AS3MT: variants seen among roughly 807,000 people sequenced by gnomAD.
The protein encoded by AS3MT is S-adenosyl-L-methionine:arsenic(III) methyltransferase.
Under a neutral mutation model 45.3 loss-of-function variants are expected in AS3MT, and 47 were observed. The ratio of observed to expected loss-of-function variants is 1.04; its 90% CI spans 0.82 to 1.32. AS3MT has a LOEUF of 1.32. Ranked by LOEUF, AS3MT falls within the 40% of genes most tolerant of loss-of-function variation. AS3MT has a pLI of 0.00. For missense variants in AS3MT, 396 were observed against 451.1 expected (o/e 0.88, Z 1.11); for synonymous variants, 141 against 152.8 (o/e 0.92, Z 0.57).
chr10:102,870,270 A>G (rs1486021630), intron 3 of AS3MT, 59 bp downstream of exon 3: 6 of 1,594,258 alleles, frequency 3.8e-6, no homozygotes, highest in Non-Finnish European at 5.2e-6. Context: ...CCAAAAGATA[A>G]TGATGCAGGT....
chr10:102,870,273 A>G (rs1844655915), intron 3 of AS3MT, 62 bp downstream of exon 3: 6 of 1,592,096 alleles, frequency 3.8e-6, no homozygotes, highest in Non-Finnish European at 4.3e-6. Flanking sequence ...AAAGATAATG[A>G]TGCAGGTCAC....
At chr10:102,882,395 T>A (rs1251468820) in intron 9 of AS3MT, among the ~76,000 whole-genome samples, 1 of 149,876 alleles carries the variant, frequency 6.7e-6, no homozygotes, top group Non-Finnish European at 1.5e-5. Flanking sequence ...TTTTTTTTTT[T>A]AATTTAAAAA....
At chr10:102,899,882 G>A (rs1443554601) in intron 10 of AS3MT, among the ~76,000 whole-genome samples, 1 of 152,104 alleles carries the variant, frequency 6.6e-6, no homozygotes, top group Non-Finnish European at 1.5e-5. Flanking sequence ...GCCCAGGCTT[G>A]TCTCAAACTC....
At chr10:102,878,052 A>G (rs1480123879) in intron 7 of AS3MT, among the ~76,000 whole-genome samples, 1 of 152,024 alleles carries the variant, frequency 6.6e-6, no homozygotes, top group Non-Finnish European at 1.5e-5. Context: ...CGCTCGGCCT[A>G]TGATTTATTT....
At chr10:102,895,487 T>C (rs529697614) in intron 10 of AS3MT, among the ~76,000 whole-genome samples, 3 of 152,042 alleles carry the variant, frequency 2.0e-5, no homozygotes, top group Non-Finnish European at 2.9e-5. Context: ...AGGTGTGAAC[T>C]ACCACGCCCG....
At chr10:102,876,432 T>A (rs905906532) in intron 6 of AS3MT, among the ~76,000 whole-genome samples, 1 of 151,542 alleles carries the variant, frequency 6.6e-6, no homozygotes, top group Admixed American at 6.6e-5. Flanking sequence ...CATGCCACCA[T>A]GCCCAGCTAG....
chr10:102,891,948 C>CAAAAAAAAAAAAAA (rs57594880), intron 10 of AS3MT, among the ~76,000 whole-genome samples: 1 of 57,862 alleles, frequency 1.7e-5, no homozygotes, highest in Non-Finnish European at 3.0e-5. Flanking sequence ...GACTCTGTCT[C>CAAAAAAAAAAAAAA]AAAAAAAAAA....
intron 3 of AS3MT, among the ~76,000 whole-genome samples, chr10:102,870,689 T>C (rs1844665158): frequency 6.6e-6 from 1 of 152,190 alleles, no homozygotes; most frequent in African/African-American, 2.4e-5. Context: ...CTAATCAACC[T>C]TGGCCCTTTT....
intron 10 of AS3MT, among the ~76,000 whole-genome samples, chr10:102,897,170 G>A (rs888442075): frequency 6.6e-6 from 1 of 151,996 alleles, no homozygotes; most frequent in Non-Finnish European, 1.5e-5. Flanking sequence ...GGATCACGAG[G>A]TCAGGAGATC....
intron 9 of AS3MT, among the ~76,000 whole-genome samples, chr10:102,883,558 C>T (rs1844900806): frequency 6.6e-6 from 1 of 151,812 alleles, no homozygotes; most frequent in Non-Finnish European, 1.5e-5. Context: ...ACTAAAAATA[C>T]AAAAATTAGC....
chr10:102,889,555 A>G (rs1337412107), intron 9 of AS3MT, among the ~76,000 whole-genome samples: 1 of 151,894 alleles, frequency 6.6e-6, no homozygotes, highest in Admixed American at 6.6e-5. Flanking sequence ...AGGAGTGCAG[A>G]TATTTCCCTG....
chr10:102,877,831 C>A (rs1454970056), intron 7 of AS3MT, among the ~76,000 whole-genome samples: 1 of 145,214 alleles, frequency 6.9e-6, no homozygotes, highest in Non-Finnish European at 1.5e-5. Flanking sequence ...TGGCTCACTG[C>A]AACCTCCACT....
chr10:102,881,454 T>C lies in AS3MT; in HGVS notation c.885+2463T>C, dbSNP rs1844865952. On this transcript the variant is annotated intron_variant, in intron 9 of 10. Transcript: ENST00000369880. This position sits in a 1 kb window ranked among gnomAD's most constrained non-coding sequence, Gnocchi z 4.2. Reference sequence around the variant, plus strand: ...TAGTAAAGGCGTGCTACTCATTAGATGCTAATCTCATTTACTGAGGAACAC... The same window carrying C: ...TAGTAAAGGCGTGCTACTCATTAGACGCTAATCTCATTTACTGAGGAACAC... Among the ~76,000 whole-genome samples, 2 of 152,228 alleles carry C rather than the reference T, an allele frequency of 1.3e-5. No homozygotes were observed. Among genetic ancestry groups the C allele is most frequent in the Admixed American group, 1.3e-4 (2 of 15,282 alleles).
chr10:102,890,493 A>G (rs1414839366), intron 9 of AS3MT, 51 bp from the exon 10 acceptor site: 18 of 1,491,386 alleles, frequency 1.2e-5, no homozygotes, highest in Non-Finnish European at 1.6e-5. Context: ...TTTTTCTTCT[A>G]TTGAGACTAA....
chr10:102,872,114 G>A (rs537572540), intron 3 of AS3MT, among the ~76,000 whole-genome samples: 3 of 152,228 alleles, frequency 2.0e-5, no homozygotes, highest in Non-Finnish European at 1.5e-5. Context: ...CCAACTCCTT[G>A]CCTCAAGCGA....
Position 102,888,959 on chromosome 10 carries a change from C to T in AS3MT, c.886-1585C>T, listed in dbSNP as rs577305710. ...AGGCTAGAGTGCAGTGGCACAATCT[C>T]GGCCCACTGCAAGCTCCGCCTCCCG... On this transcript the variant is annotated intron_variant, in intron 9 of 10. Transcript: ENST00000369880. Among the ~76,000 whole-genome samples, 34 of 146,894 alleles carry T rather than the reference C, an allele frequency of 2.3e-4. No individual in the cohort carries two copies. In the East Asian group the frequency reaches 5.3e-3, roughly 23 times the overall value.
At chr10:102,888,467 G>C (rs1191337521) in intron 9 of AS3MT, among the ~76,000 whole-genome samples, 2 of 151,386 alleles carry the variant, frequency 1.3e-5, no homozygotes, top group East Asian at 3.9e-4. Flanking sequence ...TTTTGCCCAG[G>C]CTGGAGTGCA....
intron 10 of AS3MT, among the ~76,000 whole-genome samples, chr10:102,893,495 CTTTTTTTTTTT>C (rs35072963): frequency 8.5e-5 from 9 of 106,212 alleles, no homozygotes; most frequent in African/African-American, 3.3e-4. Context: ...ATTTTTTTTT[CTTTTTTTTTTT>C]TTTTTCCGAG....
At chr10:102,883,980 CTTTTTTT>C (rs35305641) in intron 9 of AS3MT, among the ~76,000 whole-genome samples, 19 of 129,418 alleles carry the variant, frequency 1.5e-4, no homozygotes, top group African/African-American at 5.6e-5. Context: ...TTCTTTATTT[CTTTTTTT>C]TTTTTTTTTG....
Sources: gnomAD v4.1 joint callset for allele counts (sites outside exome capture counted in the v4.1 genomes callset) on GRCh38, gnomAD v4.1.1 for gene constraint, Gnocchi (gnomAD v3.1) non-coding constraint, MANE v1.5 for transcripts, NCBI Gene and HGNC (gene_info 2026-07-23, HGNC 2026-07-21) for gene names.